ADAMTS9: variants seen among roughly 807,000 people sequenced by gnomAD.
ADAMTS9 encodes A disintegrin and metalloproteinase with thrombospondin motifs 9.
ADAMTS9 carries 107 observed loss-of-function variants against 257.1 expected under a neutral mutation model. The observed-to-expected ratio is 0.42, with a 90% CI of 0.36 to 0.49. The LOEUF is 0.49. Among genes scored for constraint, ADAMTS9 ranks in the 20% least tolerant of loss-of-function variants. The pLI is 0.03. For missense variants in ADAMTS9, 2,353 were observed against 2,469.1 expected (o/e 0.95, Z 1.00); for synonymous variants, 982 against 880.9 (o/e 1.11, Z -2.03).
Position 64,642,312 on chromosome 3 carries a change from G to A in ADAMTS9, c.1711-319C>T, listed in dbSNP as rs537518620. Among the ~76,000 whole-genome samples, 39 of 152,236 alleles carry A rather than the reference G, an allele frequency of 2.6e-4. 1 individual carries two copies. In the South Asian group the frequency reaches 3.1e-3, roughly 12 times the overall value. On this transcript the variant is annotated intron_variant, in intron 11 of 39. Coordinates refer to ENST00000498707, the MANE Select transcript of ADAMTS9 (RefSeq NM_182920.2). ...AAAAACCAGGAGTGGAAATGGGAAGGGTGGTTATAGACAGGGCCAAAATGA... is the reference window on the plus strand; with the variant it reads ...AAAAACCAGGAGTGGAAATGGGAAGAGTGGTTATAGACAGGGCCAAAATGA...
At chr3:64,681,070 C>A in intron 3 of ADAMTS9, 131 bp downstream of exon 3, 1 of 1,061,122 alleles carries the variant, frequency 9.4e-7, no homozygotes, top group Non-Finnish European at 1.3e-6. Context: ...ATCCCTACAT[C>A]ATTTGAGGAC....
rs560876897 is a variant in ADAMTS9, at chr3:64,609,212, C to A, written c.3355-2133G>T. 1.8e-3 allele frequency among the ~76,000 whole-genome samples: 272 copies of A among 152,154 alleles called. 2 individuals are homozygous for A. The highest frequency in any genetic ancestry group is 6.1e-3 in the African/African-American group (255 of 41,540). ...AAACTTTTCCCCACAAGATCAGAAA[C>A]ATGACAAGGATGCCCGCTTTCACCA... On this transcript the variant is annotated intron_variant, in intron 22 of 39. Transcript: ENST00000498707.
In ADAMTS9 at chr3:64,551,077, C is replaced by G; in HGVS notation, c.4699-15G>C. On this transcript the variant is annotated splice_polypyrimidine_tract_variant and intron_variant, in intron 30 of 39. Coordinates refer to ENST00000498707, the MANE Select transcript of ADAMTS9 (RefSeq NM_182920.2). ...GTCTTGGTGCACTGTTAAATACAAGCAAAAGAGAAGAATAAACCGTAGTTC... is the reference window on the plus strand; with the variant it reads ...GTCTTGGTGCACTGTTAAATACAAGGAAAAGAGAAGAATAAACCGTAGTTC... 6.2e-7 allele frequency: 1 copy of G among 1,613,068 alleles called. No homozygotes were observed. The highest frequency in any genetic ancestry group is 8.5e-7 in the Non-Finnish European group (1 of 1,179,270).
At chr3:64,594,483 T>C in intron 27 of ADAMTS9, 49 bp from the exon 28 acceptor site, 1 of 1,591,310 alleles carries the variant, frequency 6.3e-7, no homozygotes, top group Non-Finnish European at 8.6e-7. Context: ...GAAAGGCCAA[T>C]GACAAATTTC....
At chr3:64,573,714 A>C (rs4688484) in intron 28 of ADAMTS9, among the ~76,000 whole-genome samples, 4,022 of 152,350 alleles carry the variant, frequency 0.026, 246 homozygotes, top group East Asian at 0.22. Flanking sequence ...TGTCATCAGA[A>C]AGGATGCAAC....
chr3:64,633,071 C>T (rs1700408539), intron 14 of ADAMTS9, among the ~76,000 whole-genome samples: 1 of 152,086 alleles, frequency 6.6e-6, no homozygotes, highest in East Asian at 1.9e-4. Context: ...TTGAGTGAGG[C>T]CAGCTCTTCT....
rs1156517658 is a variant in ADAMTS9 at position 64,596,033 on chromosome 3, CATTA to C, written c.4179+793_4179+796del. ...CAGTATTATTAATAATTATTCTTAA[CATTA>C]ATTATTACTACATTATAGTGGCAGT... On this transcript the variant is annotated intron_variant, in intron 27 of 39. Coordinates refer to ENST00000498707, the MANE Select transcript of ADAMTS9 (RefSeq NM_182920.2). Among the ~76,000 whole-genome samples the C allele has an allele frequency of 7.2e-5, 11 of 152,286 alleles. No homozygotes were observed. The South Asian group carries it at 2.1e-3, about 29-fold the overall frequency.
At chr3:64,573,213 A>G (rs1355137036) in intron 28 of ADAMTS9, among the ~76,000 whole-genome samples, 1 of 152,182 alleles carries the variant, frequency 6.6e-6, no homozygotes, top group Non-Finnish European at 1.5e-5. Context: ...GGACTAATGC[A>G]TGGGCCAGGG....
At chr3:64,586,461 T>C in intron 28 of ADAMTS9, among the ~76,000 whole-genome samples, 1 of 152,152 alleles carries the variant, frequency 6.6e-6, no homozygotes, top group East Asian at 1.9e-4. Flanking sequence ...TTTCTCATTT[T>C]AGTGCATAGT....
chr3:64,556,714 T>TTCCTTCC (rs2083339016), intron 30 of ADAMTS9, among the ~76,000 whole-genome samples: 2 of 138,106 alleles, frequency 1.4e-5, no homozygotes, highest in African/African-American at 2.7e-5. Flanking sequence ...TCTATGTTTT[T>TTCCTTCC]TTCCTTCCTT....
chr3:64,612,906 T>C (rs974697145), intron 22 of ADAMTS9, among the ~76,000 whole-genome samples: 1 of 152,158 alleles, frequency 6.6e-6, no homozygotes, highest in Non-Finnish European at 1.5e-5. Context: ...TCTGGCTTAT[T>C]TATGAGAGGT....
chr3:64,621,794 A>AG (rs1387261830), intron 18 of ADAMTS9, among the ~76,000 whole-genome samples: 1 of 93,296 alleles, frequency 1.1e-5, no homozygotes, highest in African/African-American at 4.9e-5. Context: ...ATAAAAAAAT[A>AG]AAAAGAAAAG....
At chr3:64,594,521 C>T in intron 27 of ADAMTS9, 87 bp from the exon 28 acceptor site, 1 of 1,516,228 alleles carries the variant, frequency 6.6e-7, no homozygotes, top group Non-Finnish European at 9.0e-7. Context: ...TAGCCAAACT[C>T]AATTATGGCA....
intron 19 of ADAMTS9, among the ~76,000 whole-genome samples, chr3:64,620,070 C>T (rs1262430730): frequency 6.6e-6 from 1 of 151,622 alleles, no homozygotes; most frequent in Non-Finnish European, 1.5e-5. Context: ...GCCAATTTCA[C>T]TAGGGCAATG....
At chr3:64,533,718 C>G (rs571686446) in intron 37 of ADAMTS9, among the ~76,000 whole-genome samples, 4 of 152,304 alleles carry the variant, frequency 2.6e-5, no homozygotes, top group Non-Finnish European at 4.4e-5. Context: ...GCTTCCAGCT[C>G]CCTGGGGCGA....
chr3:64,634,775 G>A (rs368359754), intron 12 of ADAMTS9, among the ~76,000 whole-genome samples: 2 of 152,262 alleles, frequency 1.3e-5, no homozygotes, highest in African/African-American at 4.8e-5. Flanking sequence ...CAACTGAAAG[G>A]ACATTTTTCA....
intron 28 of ADAMTS9, among the ~76,000 whole-genome samples, chr3:64,579,099 C>A (rs2083928649): frequency 6.6e-6 from 1 of 152,142 alleles, no homozygotes; most frequent in Non-Finnish European, 1.5e-5. Flanking sequence ...AATAGGCTAA[C>A]CCTCCTTCCT....
chr3:64,635,232 T>C (rs1280115308), intron 12 of ADAMTS9, among the ~76,000 whole-genome samples: 2 of 152,158 alleles, frequency 1.3e-5, no homozygotes, highest in South Asian at 2.1e-4. Context: ...ATAAACGTAC[T>C]TGCTCGATCA....
intron 28 of ADAMTS9, among the ~76,000 whole-genome samples, chr3:64,569,895 T>C (rs2083637463): frequency 6.6e-6 from 1 of 152,196 alleles, no homozygotes; most frequent in Admixed American, 6.5e-5. Flanking sequence ...ACTTGAAATA[T>C]CTATACCAAA....
Sources: gnomAD v4.1 joint callset for allele counts (sites outside exome capture counted in the v4.1 genomes callset) on GRCh38, gnomAD v4.1.1 for gene constraint, MANE v1.5 for transcripts, NCBI Gene and HGNC (gene_info 2026-07-23, HGNC 2026-07-21) for gene names.